The following LPCAT2 variants were observed in gnomAD, a reference collection of about 807,000 sequenced individuals.
The protein encoded by LPCAT2 is 1-AGP acyltransferase 11.
Under a neutral mutation model 64.7 loss-of-function variants are expected in LPCAT2, and 58 were observed. The ratio of observed to expected loss-of-function variants is 0.90; its 90% CI spans 0.73 to 1.12. The LOEUF (loss-of-function observed/expected upper bound fraction) is 1.12. Ranked by LOEUF, LPCAT2 falls within the 50% of genes most tolerant of loss-of-function variation. The probability of loss-of-function intolerance (pLI) is 0.00; values close to 1 mark genes in which losing one functional copy is unlikely to be tolerated. For missense variants in LPCAT2, 579 were observed against 669.8 expected, an observed-to-expected ratio of 0.86 and a Z score of 1.50; for synonymous variants, 252 against 245.3, an observed-to-expected ratio of 1.03 and a Z score of -0.26.
At chr16:55,511,720 C>A (rs1279049846) in intron 1 of LPCAT2, among the ~76,000 whole-genome samples, 3 of 152,118 alleles carry the variant, frequency 2.0e-5, no homozygotes, top group Non-Finnish European at 4.4e-5. Flanking sequence ...TTGTTGCAAA[C>A]CTTGAAGATG....
At chr16:55,546,129 C>T (rs1963451295) in intron 9 of LPCAT2, among the ~76,000 whole-genome samples, 1 of 152,076 alleles carries the variant, frequency 6.6e-6, no homozygotes, top group East Asian at 1.9e-4. Flanking sequence ...TCAGATGAGC[C>T]TTGTGATGAT....
chr16:55,571,809 T>C (rs1361799324), intron 11 of LPCAT2, among the ~76,000 whole-genome samples: 1 of 152,302 alleles, frequency 6.6e-6, no homozygotes, highest in Middle Eastern at 3.4e-3. Flanking sequence ...CTATTTGCTT[T>C]AGTAAGCAGC....
At chr16:55,545,474 C>T (rs1275245519) in intron 8 of LPCAT2, 4 of 289,140 alleles carry the variant, frequency 1.4e-5, no homozygotes, top group Non-Finnish European at 2.5e-5. Context: ...CTCACAATCA[C>T]CAGGGAAGTA....
At chr16:55,539,940 CTTTGAATGAAT>C (rs1391626258) in intron 8 of LPCAT2, 2 of 151,988 alleles carry the variant, frequency 1.3e-5, no homozygotes, top group African/African-American at 4.8e-5. Flanking sequence ...TTCAAATGAA[CTTTGAATGAAT>C]TATCAAAGTG....
At chr16:55,549,245 A>G in intron 9 of LPCAT2, 32 bp from the exon 10 acceptor site, 7 of 1,503,528 alleles carry the variant, frequency 4.7e-6, no homozygotes, top group Non-Finnish European at 6.2e-6. Context: ...TTTAAAAAAA[A>G]TGAATTTTAG....
At chr16:55,532,981 A>T (rs935869360) in intron 6 of LPCAT2, 99 bp downstream of exon 6, 32 of 973,770 alleles carry the variant, frequency 3.3e-5, no homozygotes, top group Non-Finnish European at 4.4e-5. Flanking sequence ...GTGAACAGAT[A>T]AATGGTGGAA....
At chr16:55,521,141 C>T (rs1335727367) in intron 1 of LPCAT2, among the ~76,000 whole-genome samples, 1 of 151,578 alleles carries the variant, frequency 6.6e-6, no homozygotes, top group African/African-American at 2.4e-5. Context: ...ATGCAAATTA[C>T]CAGTATCAAG....
rs746703658 is a variant in LPCAT2 at position 55,532,818 on chromosome 16, T to C, written c.704-6T>C. 7 of 1,609,402 alleles carry C rather than the reference T, an allele frequency of 4.3e-6. No homozygotes were observed. The highest frequency in any genetic ancestry group is 6.0e-6 in the Non-Finnish European group (7 of 1,176,340). The stretch of plus-strand genomic sequence containing the variant: ...AACACATTATAAACTTTCAATGTGG[T>C]TGCAGGAGCCTTCATTCCAGGAGTT... On this transcript the variant is annotated splice_polypyrimidine_tract_variant and splice_region_variant and intron_variant, in intron 5 of 13. Transcript: ENST00000262134.
At chr16:55,554,821 G>T (rs543112285) in intron 11 of LPCAT2, among the ~76,000 whole-genome samples, 28 of 152,240 alleles carry the variant, frequency 1.8e-4, no homozygotes, top group Non-Finnish European at 3.1e-4. Context: ...AGGGGCCGTT[G>T]TAGTGTTATT....
intron 11 of LPCAT2, among the ~76,000 whole-genome samples, chr16:55,564,057 C>A (rs536008933): frequency 1.3e-5 from 2 of 151,856 alleles, no homozygotes; most frequent in South Asian, 2.1e-4. Context: ...TATACACCAA[C>A]AATGAACAAT....
chr16:55,539,909 A>G (rs1380829320), intron 8 of LPCAT2: 3 of 152,190 alleles, frequency 2.0e-5, no homozygotes, highest in Non-Finnish European at 4.4e-5. Flanking sequence ...ATTCAAGAAT[A>G]TGGTATTAAT....
chr16:55,566,673 A>G (rs540746132), intron 11 of LPCAT2: 2 of 1,432,904 alleles, frequency 1.4e-6, no homozygotes, highest in East Asian at 2.3e-5. Flanking sequence ...CAGTTCTTCC[A>G]CATGTAAACT....
At chr16:55,556,930 A>G (rs1350973509) in intron 11 of LPCAT2, 2 of 152,264 alleles carry the variant, frequency 1.3e-5, no homozygotes, top group Non-Finnish European at 2.9e-5. Flanking sequence ...CATACTAGAG[A>G]TAACAATTGG....
intron 9 of LPCAT2, among the ~76,000 whole-genome samples, chr16:55,547,199 C>T (rs1054517059): frequency 1.3e-5 from 2 of 151,922 alleles, no homozygotes; most frequent in Non-Finnish European, 2.9e-5. Flanking sequence ...TTTTGGCTTC[C>T]CAAATTGTGC....
At chr16:55,525,364 T>G in intron 1 of LPCAT2, 144 bp from the exon 2 acceptor site, 1 of 563,272 alleles carries the variant, frequency 1.8e-6, no homozygotes, top group Non-Finnish European at 3.0e-6. Flanking sequence ...TGTGCTTAAA[T>G]CCTTGTCTGG....
chr16:55,559,244 C>A (rs1421736953), intron 11 of LPCAT2, among the ~76,000 whole-genome samples: 1 of 152,166 alleles, frequency 6.6e-6, no homozygotes, highest in African/African-American at 2.4e-5. Flanking sequence ...TTTCCCATTT[C>A]TGCTCCTAAC....
intron 7 of LPCAT2, among the ~76,000 whole-genome samples, chr16:55,535,175 A>C (rs1413040991): frequency 6.6e-6 from 1 of 152,108 alleles, no homozygotes; most frequent in Non-Finnish European, 1.5e-5. Flanking sequence ...GAATTTGAAG[A>C]CTTCCTTTAG....
At chr16:55,517,117 G>A (rs562471211) in intron 1 of LPCAT2, among the ~76,000 whole-genome samples, 8 of 152,006 alleles carry the variant, frequency 5.3e-5, no homozygotes, top group African/African-American at 1.9e-4. Flanking sequence ...ATATTTGTCT[G>A]CACTGACCAA....
intron 8 of LPCAT2, among the ~76,000 whole-genome samples, chr16:55,537,878 C>T (rs1396585323): frequency 6.6e-6 from 1 of 152,224 alleles, no homozygotes; most frequent in African/African-American, 2.4e-5. Flanking sequence ...CATCTTTTTA[C>T]TCCTTTAATG....
Sources: gnomAD v4.1 joint callset for allele counts (sites outside exome capture counted in the v4.1 genomes callset) on GRCh38, gnomAD v4.1.1 for gene constraint, MANE v1.5 for transcripts, NCBI Gene and HGNC (gene_info 2026-07-23, HGNC 2026-07-21) for gene names.